The following PSMD14 variants were observed in gnomAD, a reference collection of about 807,000 sequenced individuals.
PSMD14 encodes proteasome 26S subunit, non-ATPase 14.
A neutral mutation model predicts 41.2 loss-of-function variants in PSMD14; 7 were observed. The ratio of observed to expected loss-of-function variants is 0.17; its 90% CI spans 0.10 to 0.32. PSMD14 has a LOEUF of 0.32. Among genes scored for constraint, PSMD14 ranks in the 10% least tolerant of loss-of-function variants. The pLI is 1.00. For missense variants in PSMD14, 139 were observed against 375.6 expected (o/e 0.37, Z 5.21); for synonymous variants, 114 against 122.3 (o/e 0.93, Z 0.45).
chr2:161,351,036 G>A (rs1038630584), intron 3 of PSMD14, among the ~76,000 whole-genome samples: 3 of 152,200 alleles, frequency 2.0e-5, no homozygotes, highest in Admixed American at 1.3e-4. Context: ...CAGAAATTCT[G>A]TAGTTCTTTT....
intron 8 of PSMD14, among the ~76,000 whole-genome samples, chr2:161,388,864 A>G (rs1180066878): frequency 2.6e-5 from 4 of 152,112 alleles, no homozygotes; most frequent in Admixed American, 6.6e-5. Flanking sequence ...AGGTAAAATC[A>G]TAAGTCAGTT....
intron 1 of PSMD14, among the ~76,000 whole-genome samples, chr2:161,311,861 C>T (rs536402102): frequency 1.7e-4 from 26 of 151,930 alleles, no homozygotes; most frequent in Admixed American, 1.4e-3. Context: ...GTGATCCAAC[C>T]GCCTCGGCCT....
intron 3 of PSMD14, among the ~76,000 whole-genome samples, chr2:161,366,061 A>G (rs1341851633): frequency 2.6e-5 from 4 of 152,200 alleles, no homozygotes; most frequent in Admixed American, 6.5e-5. Flanking sequence ...TTAGGTTTAT[A>G]TGATGACTTC....
chr2:161,402,359 C>T (rs1332572233), intron 10 of PSMD14, among the ~76,000 whole-genome samples: 4 of 152,284 alleles, frequency 2.6e-5, no homozygotes, highest in Admixed American at 2.6e-4. Flanking sequence ...AATAGAAAGG[C>T]ATGTGTGGTG....
chr2:161,405,149 T>C (rs753422846), intron 10 of PSMD14, among the ~76,000 whole-genome samples: 14 of 152,134 alleles, frequency 9.2e-5, no homozygotes, highest in Non-Finnish European at 1.5e-4. Context: ...TCGTGTAGGT[T>C]TGAAACTTTG....
Position 161,313,828 on chromosome 2 carries a change from G to A in PSMD14, c.-137-2609G>A, listed in dbSNP as rs144758618. ...TATTTCAAATACATTTCTAGTAGGC[G>A]CTAGCTGATTACTTCTGGTTCTTGT... is the stretch of plus-strand genomic sequence containing the variant. On this transcript the variant is annotated intron_variant, in intron 1 of 11. Transcript: ENST00000409682. 1.3e-3 allele frequency among the ~76,000 whole-genome samples: 203 copies of A among 152,164 alleles called. 1 individual carries two copies. Among genetic ancestry groups the A allele is most frequent in the African/African-American group, 4.5e-3 (186 of 41,518 alleles).
intron 3 of PSMD14, among the ~76,000 whole-genome samples, chr2:161,334,993 G>A (rs1225013335): frequency 2.0e-5 from 3 of 152,354 alleles, no homozygotes; most frequent in African/African-American, 7.2e-5. Flanking sequence ...GTGGTCAGCA[G>A]TATTTCTAGG....
At chr2:161,353,864 A>G (rs141172447) in intron 3 of PSMD14, among the ~76,000 whole-genome samples, 21 of 152,300 alleles carry the variant, frequency 1.4e-4, no homozygotes, top group Non-Finnish European at 1.0e-4. Context: ...TCTGTGTGTA[A>G]TATTTCATAC....
chr2:161,326,086 A>G (rs533138112), intron 3 of PSMD14, among the ~76,000 whole-genome samples: 2 of 152,236 alleles, frequency 1.3e-5, no homozygotes, highest in East Asian at 1.9e-4. Flanking sequence ...CACCCAGGCT[A>G]GAGTGCAGTG....
chr2:161,339,615 T>C (rs1014580293), intron 3 of PSMD14, among the ~76,000 whole-genome samples: 1 of 150,654 alleles, frequency 6.6e-6, no homozygotes, highest in African/African-American at 2.5e-5. Context: ...TAAGCCAGGG[T>C]CGGAAACTTT....
At chr2:161,339,098 A>G (rs1035764068) in intron 3 of PSMD14, among the ~76,000 whole-genome samples, 28 of 152,220 alleles carry the variant, frequency 1.8e-4, no homozygotes, top group African/African-American at 6.5e-4. Context: ...AAACTGCTGT[A>G]AACATTATGT....
intron 9 of PSMD14, among the ~76,000 whole-genome samples, chr2:161,394,602 C>G (rs1683765306): frequency 6.6e-6 from 1 of 152,138 alleles, no homozygotes; most frequent in Non-Finnish European, 1.5e-5. Context: ...AGAATTTAGA[C>G]CCTAGTGATC....
chr2:161,315,329 GTCA>G (rs1195427444), intron 1 of PSMD14, among the ~76,000 whole-genome samples: 1 of 152,114 alleles, frequency 6.6e-6, no homozygotes, highest in African/African-American at 2.4e-5. Flanking sequence ...TAATTTTATT[GTCA>G]TCATTAGAGA....
At chr2:161,309,836 A>G (rs1216124019) in intron 1 of PSMD14, among the ~76,000 whole-genome samples, 2 of 151,502 alleles carry the variant, frequency 1.3e-5, no homozygotes, top group African/African-American at 4.9e-5. Flanking sequence ...TTTTCAGCCT[A>G]AAGTGCTTGG....
chr2:161,347,302 C>G (rs562929768), intron 3 of PSMD14, among the ~76,000 whole-genome samples: 1 of 152,054 alleles, frequency 6.6e-6, no homozygotes, highest in Non-Finnish European at 1.5e-5. Context: ...GCAGATGTCC[C>G]TTTTGTCTAC....
intron 3 of PSMD14, among the ~76,000 whole-genome samples, chr2:161,349,548 T>C (rs968396768): frequency 2.6e-5 from 4 of 152,246 alleles, no homozygotes; most frequent in African/African-American, 9.6e-5. Flanking sequence ...CTCTAAACTT[T>C]TTGACTTTTC....
intron 3 of PSMD14, among the ~76,000 whole-genome samples, chr2:161,360,261 C>T (rs928518579): frequency 7.3e-5 from 11 of 150,208 alleles, no homozygotes; most frequent in Non-Finnish European, 1.3e-4. Flanking sequence ...GAGATCATGA[C>T]TCACTGCAGC....
chr2:161,311,531 G>A (rs865773991), intron 1 of PSMD14, among the ~76,000 whole-genome samples: 83 of 150,860 alleles, frequency 5.5e-4, no homozygotes, highest in African/African-American at 1.9e-3. Context: ...CCATGATTTT[G>A]GTATCCTGGA....
At chr2:161,343,179 C>T (rs750233345) in intron 3 of PSMD14, among the ~76,000 whole-genome samples, 9 of 152,238 alleles carry the variant, frequency 5.9e-5, no homozygotes, top group East Asian at 1.9e-4. Context: ...ACTTTTTCAT[C>T]GTCCCAAACT....
Sources: gnomAD v4.1 joint callset for allele counts (sites outside exome capture counted in the v4.1 genomes callset) on GRCh38, gnomAD v4.1.1 for gene constraint, MANE v1.5 for transcripts, NCBI Gene and HGNC (gene_info 2026-07-23, HGNC 2026-07-21) for gene names.